SPOCD1: variants seen among roughly 807,000 people sequenced by gnomAD.
SPOCD1 encodes the protein SPOC domain-containing protein 1.
In SPOCD1, 64 loss-of-function variants were observed where a neutral mutation model predicts 92.2. The observed-to-expected ratio is 0.69, with a 90% CI of 0.57 to 0.86. SPOCD1 has a LOEUF of 0.86. Among genes scored for constraint, SPOCD1 ranks in the 40% least tolerant of loss-of-function variants. The probability of loss-of-function intolerance (pLI) is 0.00; values close to 1 mark genes in which losing one functional copy is unlikely to be tolerated. For synonymous variants in SPOCD1, 578 were observed against 619.3 expected, an observed-to-expected ratio of 0.93 and a Z score of 0.99; for missense variants, 1,360 against 1,543.1, an observed-to-expected ratio of 0.88 and a Z score of 1.99.
At chr1:31,792,037 A>T in intron 15 of SPOCD1, 178 bp downstream of exon 15, 1 of 659,288 alleles carries the variant, frequency 1.5e-6, no homozygotes. Flanking sequence ...AATGGCTGGC[A>T]TGCAGTTCAT....
intron 2 of SPOCD1, among the ~76,000 whole-genome samples, chr1:31,804,272 T>C (rs559784445): frequency 2.4e-4 from 36 of 152,290 alleles, no homozygotes; most frequent in Non-Finnish European, 4.3e-4. Flanking sequence ...CTAAGGCACA[T>C]AGAGGCACAG....
intron 3 of SPOCD1, among the ~76,000 whole-genome samples, 158 bp downstream of exon 3, chr1:31,801,506 G>GATCCAA (rs1009338838): frequency 2.6e-5 from 4 of 152,178 alleles, no homozygotes; most frequent in Non-Finnish European, 5.9e-5. Context: ...AAAAGTCTAA[G>GATCCAA]ATCCAACATT....
At chr1:31,808,572 A>G (rs1648992801) in intron 2 of SPOCD1, among the ~76,000 whole-genome samples, 1 of 151,806 alleles carries the variant, frequency 6.6e-6, no homozygotes, top group Admixed American at 6.6e-5. Flanking sequence ...CTATATAAAT[A>G]ACATAGCAAG....
In SPOCD1 at chr1:31,802,812, C is replaced by T. The variant is rs563761343; in HGVS notation, c.1384-1107G>A. On this transcript the variant is annotated intron_variant, in intron 2 of 15. Coordinates refer to ENST00000360482, the MANE Select transcript of SPOCD1 (RefSeq NM_144569.7). ...GCTACCATTCGCGTTACAGACAGAA[C>T]GAATTTTAAAATTTGTATTTGCTGG... 2.6e-5 allele frequency among the ~76,000 whole-genome samples: 4 copies of T among 152,104 alleles called. No homozygotes were observed. In the East Asian group the frequency reaches 7.7e-4, roughly 29 times the overall value.
At position 31,790,729 on chromosome 1, in the gene SPOCD1, G is replaced by T; in HGVS notation, c.3525C>A (p.Ile1175=). The T allele has an allele frequency of 6.4e-7, 1 of 1,552,068 alleles. No homozygotes were observed. Among genetic ancestry groups the T allele is most frequent in the East Asian group, 2.4e-5 (1 of 40,954 alleles). Residue 1175 remains isoleucine (I), a synonymous_variant, in exon 16 of 16, where the codon ATC becomes ATA. Transcript: ENST00000360482. ...ALLCPQTKSS[I]PRPLQRLSSA... is the part of the protein sequence containing the mutation. Reference sequence around the variant, plus strand: ...TAGACAAACGCTGCAGAGGGCGGGGGATGGAGCTCTTGGTCTGGGGGCACA... The same window carrying T: ...TAGACAAACGCTGCAGAGGGCGGGGTATGGAGCTCTTGGTCTGGGGGCACA...
intron 2 of SPOCD1, among the ~76,000 whole-genome samples, chr1:31,805,523 C>A (rs1570187002): frequency 6.6e-6 from 1 of 152,124 alleles, no homozygotes; most frequent in South Asian, 2.1e-4. Context: ...CTCAGGAATT[C>A]GAGACCAGCC....
Position 31,815,347 on chromosome 1 carries a change from C to T in SPOCD1, c.-14G>A. 1 of 1,522,106 alleles carries T rather than the reference C, an allele frequency of 6.6e-7. No individual in the cohort carries two copies. Among genetic ancestry groups the T allele is most frequent in the Non-Finnish European group, 8.8e-7 (1 of 1,133,594 alleles). The allele number at this position is 1,522,106 out of a possible 1,614,324, so 94.3% of individuals were successfully genotyped here. On this transcript the variant is annotated 5_prime_UTR_variant, in exon 2 of 16. Transcript: ENST00000360482. ...CGCCTGGGACATGTCTGTCCACCTACCTGGGCCAAAAGCACAACACGGGCC... is the reference window on the plus strand; with the variant it reads ...CGCCTGGGACATGTCTGTCCACCTATCTGGGCCAAAAGCACAACACGGGCC...
chr1:31,807,870 C>G (rs189667240), intron 2 of SPOCD1, among the ~76,000 whole-genome samples: 1 of 152,132 alleles, frequency 6.6e-6, no homozygotes, highest in African/African-American at 2.4e-5. Context: ...GCCAACATGC[C>G]AATAAATTTG....
intron 15 of SPOCD1, 101 bp from the exon 16 acceptor site, chr1:31,791,392 A>G: frequency 1.0e-6 from 1 of 953,050 alleles, no homozygotes; most frequent in Non-Finnish European, 1.5e-6. Flanking sequence ...AGATGCTGGG[A>G]AAAGTAAGTA....
At position 31,791,862 on chromosome 1, in the gene SPOCD1, G is replaced by A. The variant is rs115732961; in HGVS notation, c.2962+353C>T. Among the ~76,000 whole-genome samples, 350 of 152,360 alleles carry A rather than the reference G, an allele frequency of 2.3e-3. 1 individual carries two copies. The highest frequency in any genetic ancestry group is 8.1e-3 in the African/African-American group (336 of 41,584). The stretch of plus-strand genomic sequence containing the variant: ...GTGCTTCACACAACGTGTGAACAGA[G>A]TGAAGCCCAGTTCTGCTGTTGACTG... On this transcript the variant is annotated intron_variant, in intron 15 of 15. Transcript: ENST00000360482.
chr1:31,798,343 G>A lies in SPOCD1; in HGVS notation c.2029-20C>T. ...CAAGTCCTGGTGGGGGCAGGGGGCA[G>A]GGCTGCACCACACGCTGAAAGAGCT... On this transcript the variant is annotated intron_variant, in intron 8 of 15. Coordinates refer to ENST00000360482, the MANE Select transcript of SPOCD1 (RefSeq NM_144569.7). The surrounding 1 kb of genome is among the most constrained non-coding windows in gnomAD (Gnocchi z 4.1). The A allele has an allele frequency of 6.2e-7, 1 of 1,606,552 alleles. No homozygotes were observed. Among genetic ancestry groups the A allele is most frequent in the African/African-American group, 1.3e-5 (1 of 74,928 alleles).
chr1:31,802,745 G>GT (rs1363340483), intron 2 of SPOCD1, among the ~76,000 whole-genome samples: 2 of 152,058 alleles, frequency 1.3e-5, no homozygotes, highest in Admixed American at 6.6e-5. Flanking sequence ...CCGGAAACAT[G>GT]TTTTTTTATT....
chr1:31,798,225 C>A lies in SPOCD1; in HGVS notation c.2127G>T (p.Arg709=). 2 of 1,614,098 alleles carry A rather than the reference C, an allele frequency of 1.2e-6. No individual in the cohort carries two copies. The highest frequency in any genetic ancestry group is 8.5e-7 in the Non-Finnish European group (1 of 1,180,000). The change falls in exon 9 of 16, where the codon CGG becomes CGT. Residue 709 remains arginine, a synonymous_variant. Coordinates refer to ENST00000360482, the MANE Select transcript of SPOCD1 (RefSeq NM_144569.7). This position sits in a 1 kb window ranked among gnomAD's most constrained non-coding sequence, Gnocchi z 4.1. ...QLAPQELARW[R]DQEEKRGLNI... ...CACTCACCCTTTTCTCCTCCTGGTC[C>A]CGCCAGCGGGCCAGCTCCTGGGGGG...
chr1:31,799,109 A>G (rs1648243519), intron 7 of SPOCD1, among the ~76,000 whole-genome samples: 1 of 152,176 alleles, frequency 6.6e-6, no homozygotes, highest in Non-Finnish European at 1.5e-5. Context: ...AGCCGCTCCC[A>G]GCACACACTC....
Position 31,811,327 on chromosome 1 carries a change from C to T in SPOCD1, c.1383+2624G>A, listed in dbSNP as rs376589361. On this transcript the variant is annotated intron_variant, in intron 2 of 15. Coordinates refer to ENST00000360482, the MANE Select transcript of SPOCD1 (RefSeq NM_144569.7). ...CTCTACTAAAAACACAAAAATTAGC[C>T]GGGCATGGTGGCCCACACCTGTAGT... Among the ~76,000 whole-genome samples, 124 of 152,054 alleles carry T rather than the reference C, an allele frequency of 8.2e-4. 2 individuals are homozygous for T. The South Asian group carries it at 0.018, about 22-fold the overall frequency.
chr1:31,792,641 C>T, intron 14 of SPOCD1, 37 bp downstream of exon 14: 2 of 1,509,458 alleles, frequency 1.3e-6, no homozygotes, highest in South Asian at 1.2e-5. Context: ...GAGTAAGGTA[C>T]TAGGAAAAGA....
intron 2 of SPOCD1, among the ~76,000 whole-genome samples, chr1:31,812,033 C>T (rs1649235827): frequency 6.6e-6 from 1 of 152,214 alleles, no homozygotes; most frequent in South Asian, 2.1e-4. Context: ...CCCTGCACTA[C>T]TTACAGCAGG....
At position 31,813,971 on chromosome 1, in the gene SPOCD1, G is replaced by C; in HGVS notation, c.1363C>G (p.Pro455Ala). 5 of 1,559,204 alleles carry C rather than the reference G, an allele frequency of 3.2e-6. No individual in the cohort carries two copies. Among genetic ancestry groups the C allele is most frequent in the Non-Finnish European group, 4.4e-6 (5 of 1,148,366 alleles). The change falls in exon 2 of 16, where the codon CCA (proline) becomes GCA (alanine). Residue 455 changes from proline (P) to alanine (A), a missense_variant. By Grantham distance (27) the Pro-to-Ala change is conservative (BLOSUM62 -1). This residue lies in a region of SPOCD1 where 606 missense variants were observed against 601.5 expected (regional missense o/e 1.01). Coordinates refer to ENST00000360482, the MANE Select transcript of SPOCD1 (RefSeq NM_144569.7). ...CTCACCAGTCTGGGGCAGCCTCCTG[G>C]GCTGGGTTCCTCTGGCCTGTCCTGG... is the stretch of plus-strand genomic sequence containing the variant. ...SHQDRPEEPS[P>A]GGCPRLEEVK...
chr1:31,798,638 AG>A lies in SPOCD1; in HGVS notation c.1869-38del, dbSNP rs763854723. 2.5e-6 allele frequency: 4 copies of A among 1,598,356 alleles called. No homozygotes were observed. The South Asian group carries it at 4.5e-5, about 18-fold the overall frequency. On this transcript the variant is annotated intron_variant, in intron 7 of 15. Transcript: ENST00000360482. The surrounding 1 kb of genome is among the most constrained non-coding windows in gnomAD (Gnocchi z 4.1). ...AGGGCAGGGCGGGGGCACTGAGCCCAGGAGGCTCTCCAGGCACTTAGTCCCA... is the reference window on the plus strand; with the variant it reads ...AGGGCAGGGCGGGGGCACTGAGCCCAGAGGCTCTCCAGGCACTTAGTCCCA...
Sources: allele counts gnomAD v4.1 joint callset (sites outside exome capture counted in the v4.1 genomes callset), GRCh38; gene constraint gnomAD v4.1.1; regional missense constraint gnomAD v4.1.1; non-coding constraint Gnocchi (gnomAD v3.1); transcripts MANE v1.5; gene names NCBI Gene and HGNC (gene_info 2026-07-23, HGNC 2026-07-21).